Variants in PARD3 observed in about 807,000 individuals in gnomAD.
PARD3 encodes the protein par-3 family cell polarity regulator.
Under a neutral mutation model 155.4 loss-of-function variants are expected in PARD3, and 75 were observed. The observed-to-expected ratio is 0.48, with a 90% CI of 0.40 to 0.58. The LOEUF is 0.58. Among genes scored for constraint, PARD3 ranks in the 20% least tolerant of loss-of-function variants. The pLI is 0.00. For synonymous variants in PARD3, 576 were observed against 610.5 expected (o/e 0.94, Z 0.83); for missense variants, 1,642 against 1,721.7 (o/e 0.95, Z 0.82).
chr10:34,332,264 A>C (rs999442297), intron 18 of PARD3, among the ~76,000 whole-genome samples: 1 of 152,188 alleles, frequency 6.6e-6, no homozygotes, highest in Non-Finnish European at 1.5e-5. Flanking sequence ...GATTTCTTTA[A>C]CCAGGTAAGA....
chr10:34,770,005 C>G (rs760314402), intron 1 of PARD3, among the ~76,000 whole-genome samples: 1 of 152,124 alleles, frequency 6.6e-6, no homozygotes, highest in Non-Finnish European at 1.5e-5. Context: ...AATACAGCCC[C>G]AATTTCCCTG....
rs1013006545 is a variant in PARD3, at chr10:34,732,803, C to T, written c.121-36384G>A. Among the ~76,000 whole-genome samples, 5 of 152,170 alleles carry T rather than the reference C, an allele frequency of 3.3e-5. No individual in the cohort carries two copies. In the East Asian group the frequency reaches 9.6e-4, roughly 29 times the overall value. On this transcript the variant is annotated intron_variant, in intron 1 of 24. Transcript: ENST00000374788. ...CGCCATAATATTTGCCTTTGCAATA[C>T]GAAAGTTGAGCCTTCAAATAAATGG...
intron 1 of PARD3, among the ~76,000 whole-genome samples, chr10:34,757,394 C>G (rs1339346438): frequency 6.6e-6 from 1 of 152,172 alleles, no homozygotes; most frequent in Non-Finnish European, 1.5e-5. Flanking sequence ...CTTCCTGACT[C>G]TTAAATTGTC....
chr10:34,758,611 G>C (rs988047307), intron 1 of PARD3, among the ~76,000 whole-genome samples: 2 of 152,278 alleles, frequency 1.3e-5, no homozygotes. Context: ...TTCTAGTTGG[G>C]GCACTCAAGC....
chr10:34,328,211 G>A (rs1214861603), intron 19 of PARD3, among the ~76,000 whole-genome samples: 1 of 152,094 alleles, frequency 6.6e-6, no homozygotes, highest in East Asian at 1.9e-4. Context: ...GTGCATACAA[G>A]GTCCAGTGTG....
chr10:34,650,750 G>A (rs1298570642), intron 2 of PARD3, among the ~76,000 whole-genome samples: 2 of 152,092 alleles, frequency 1.3e-5, no homozygotes, highest in African/African-American at 2.4e-5. Context: ...AGCGGCTCAC[G>A]CCTGTAATCC....
At chr10:34,804,364 T>C (rs1249780033) in intron 1 of PARD3, among the ~76,000 whole-genome samples, 1 of 152,198 alleles carries the variant, frequency 6.6e-6, no homozygotes, top group East Asian at 1.9e-4. Flanking sequence ...TCTAGAAGAT[T>C]TTTTTTCCAG....
chr10:34,193,994 C>A (rs559573757), intron 22 of PARD3, among the ~76,000 whole-genome samples: 2 of 152,096 alleles, frequency 1.3e-5, no homozygotes, highest in African/African-American at 2.4e-5. Context: ...GCAAGGACTG[C>A]AGAAGAAGCA....
intron 22 of PARD3, among the ~76,000 whole-genome samples, chr10:34,135,653 G>T (rs1380190702): frequency 6.6e-6 from 1 of 152,184 alleles, no homozygotes; most frequent in Non-Finnish European, 1.5e-5. Context: ...ACTGAAGCCT[G>T]CCCCGCACCT....
At chr10:34,413,679 C>T (rs1390295349) in intron 5 of PARD3, among the ~76,000 whole-genome samples, 1 of 152,138 alleles carries the variant, frequency 6.6e-6, no homozygotes, top group African/African-American at 2.4e-5. Context: ...AGGAAACCCA[C>T]TCCTTACGTG....
intron 22 of PARD3, among the ~76,000 whole-genome samples, chr10:34,180,905 G>A (rs1305617456): frequency 6.6e-6 from 1 of 152,080 alleles, no homozygotes; most frequent in East Asian, 1.9e-4. Context: ...GACACAGCAA[G>A]TGCAAAGGCC....
At chr10:34,514,413 A>G (rs574243282) in intron 3 of PARD3, among the ~76,000 whole-genome samples, 1 of 152,312 alleles carries the variant, frequency 6.6e-6, no homozygotes, top group East Asian at 1.9e-4. Flanking sequence ...ACCTAGCACA[A>G]GGCATGGCCA....
At chr10:34,484,255 G>T (rs1207949991) in intron 3 of PARD3, among the ~76,000 whole-genome samples, 4 of 152,176 alleles carry the variant, frequency 2.6e-5, no homozygotes, top group Non-Finnish European at 5.9e-5. Context: ...TGAGCACAAA[G>T]GTGCCCCGAG....
intron 17 of PARD3, 122 bp from the exon 18 acceptor site, chr10:34,336,365 A>G (rs1836189190): frequency 3.0e-6 from 2 of 670,156 alleles, no homozygotes; most frequent in Non-Finnish European, 5.2e-6. Flanking sequence ...TGCAAATACT[A>G]TGAAACATCA....
At chr10:34,610,615 T>C (rs1169024617) in intron 2 of PARD3, among the ~76,000 whole-genome samples, 3 of 152,202 alleles carry the variant, frequency 2.0e-5, no homozygotes, top group Non-Finnish European at 2.9e-5. Flanking sequence ...GGGTGAAATA[T>C]GGAGTTCCTA....
In PARD3 at chr10:34,345,360, A is replaced by G. The variant is rs1004711673; in HGVS notation, c.2218+2605T>C. Reference sequence around the variant, plus strand: ...CTCCGTTTAGCCTAGAGTCCTACATAGGGGATTACTCCATATGAAAATTCA... The same window carrying G: ...CTCCGTTTAGCCTAGAGTCCTACATGGGGGATTACTCCATATGAAAATTCA... On this transcript the variant is annotated intron_variant, in intron 15 of 24. Transcript: ENST00000374788. 6 of 985,092 alleles carry G rather than the reference A, an allele frequency of 6.1e-6. No individual in the cohort carries two copies. In the African/African-American group the frequency reaches 1.0e-4, roughly 17 times the overall value. 61.0% of individuals were successfully genotyped at this position (985,092 alleles called of 1,614,324 possible).
chr10:34,556,495 G>A (rs2085002182), intron 2 of PARD3, among the ~76,000 whole-genome samples: 2 of 151,098 alleles, frequency 1.3e-5, no homozygotes, highest in Admixed American at 6.6e-5. Flanking sequence ...CCATTCTCTC[G>A]CCTCAGCCTC....
rs115018469 is a variant in PARD3 at position 34,128,021 on chromosome 10, T to C, written c.3540+3442A>G. Among the ~76,000 whole-genome samples the C allele has an allele frequency of 4.9e-3, 743 of 152,320 alleles. 7 individuals are homozygous for C. Among genetic ancestry groups the C allele is most frequent in the African/African-American group, 0.017 (705 of 41,582 alleles). On this transcript the variant is annotated intron_variant, in intron 23 of 24. Coordinates refer to ENST00000374788, the MANE Select transcript of PARD3 (RefSeq NM_001184785.2). ...AAATACCTTAGAAAAATGCCATTAA[T>C]AGTAATATTGTTGCAGAAGACAATT...
chr10:34,204,701 T>C (rs964436938), intron 22 of PARD3, among the ~76,000 whole-genome samples: 3 of 152,036 alleles, frequency 2.0e-5, no homozygotes, highest in African/African-American at 7.2e-5. Context: ...TACGTTACAT[T>C]CCCCCCTACA....
Sources: gnomAD v4.1 joint callset for allele counts (sites outside exome capture counted in the v4.1 genomes callset) on GRCh38, gnomAD v4.1.1 for gene constraint, MANE v1.5 for transcripts, NCBI Gene and HGNC (gene_info 2026-07-23, HGNC 2026-07-21) for gene names.